The following CFAP210 variants were observed in gnomAD, a reference collection of about 807,000 sequenced individuals.
CFAP210 encodes the protein cilia- and flagella- associated protein 210.
chr2:169,664,703 A>C, the CFAP210 span, among the ~76,000 whole-genome samples: 15 of 152,342 alleles, frequency 9.8e-5, no homozygotes, highest in Middle Eastern at 3.4e-3. Context: ...CAACCAGCAC[A>C]AAACTCTTTC....
the CFAP210 span, chr2:169,674,996 T>C: frequency 1.3e-6 from 2 of 1,539,330 alleles, no homozygotes; most frequent in Non-Finnish European, 1.7e-6. Context: ...CCTCTATTTC[T>C]TCATCACGCT....
chr2:169,693,143 T>A, the CFAP210 span, among the ~76,000 whole-genome samples: 1 of 152,232 alleles, frequency 6.6e-6, no homozygotes, highest in African/African-American at 2.4e-5. Flanking sequence ...TCCCACTAAA[T>A]CTTTATAAAT....
chr2:169,663,591 A>G, the CFAP210 span, among the ~76,000 whole-genome samples: 38 of 152,198 alleles, frequency 2.5e-4, no homozygotes, highest in Non-Finnish European at 3.5e-4. Flanking sequence ...CCCTTCCCCT[A>G]TGCCATGGAG....
the CFAP210 span, chr2:169,645,677 A>C: frequency 2.4e-5 from 14 of 571,770 alleles, no homozygotes. Flanking sequence ...AGGAATCTCA[A>C]AATTGGGGTT....
At chr2:169,656,621 T>A in the CFAP210 span, among the ~76,000 whole-genome samples, 4 of 152,252 alleles carry the variant, frequency 2.6e-5, no homozygotes, top group African/African-American at 9.6e-5. Flanking sequence ...CCAGCAGCTA[T>A]TCAGGGCCAT....
the CFAP210 span, among the ~76,000 whole-genome samples, chr2:169,660,586 T>A: frequency 1.6e-4 from 17 of 104,334 alleles, no homozygotes; most frequent in South Asian, 3.4e-4. Flanking sequence ...AGGTTGCTTA[T>A]TTTATATATA....
At chr2:169,645,842 T>C in the CFAP210 span, 1 of 1,589,268 alleles carries the variant, frequency 6.3e-7, no homozygotes, top group East Asian at 2.2e-5. Flanking sequence ...AATTTTTTTC[T>C]ACCATGTAAA....
At chr2:169,671,347 C>T in the CFAP210 span, among the ~76,000 whole-genome samples, 2 of 152,202 alleles carry the variant, frequency 1.3e-5, no homozygotes, top group African/African-American at 4.8e-5. Context: ...TCTGCAAAGC[C>T]TTCTCTAGAC....
At chr2:169,662,427 T>C in the CFAP210 span, 1 of 1,581,112 alleles carries the variant, frequency 6.3e-7, no homozygotes, top group Non-Finnish European at 8.5e-7. Flanking sequence ...CTTCCTCATG[T>C]TCCTTTATTC....
the CFAP210 span, among the ~76,000 whole-genome samples, chr2:169,667,079 T>A: frequency 6.6e-6 from 1 of 152,124 alleles, no homozygotes; most frequent in Admixed American, 6.6e-5. Flanking sequence ...AATCAACTTC[T>A]TCCAAACTCT....
chr2:169,670,123 T>C, the CFAP210 span, among the ~76,000 whole-genome samples: 1 of 152,232 alleles, frequency 6.6e-6, no homozygotes, highest in Non-Finnish European at 1.5e-5. Context: ...AGTTTTTTCT[T>C]AAGCAAAGTC....
At chr2:169,654,161 C>T in the CFAP210 span, 2 of 1,598,288 alleles carry the variant, frequency 1.3e-6, no homozygotes, top group Non-Finnish European at 8.5e-7. Flanking sequence ...CATCTTCTTC[C>T]TCTTGCTGCT....
the CFAP210 span, among the ~76,000 whole-genome samples, chr2:169,675,704 C>G: frequency 6.6e-6 from 1 of 152,206 alleles, no homozygotes; most frequent in African/African-American, 2.4e-5. Flanking sequence ...CAAACTATAT[C>G]ACCTTCCAAC....
At chr2:169,656,413 A>AGGAGGAGGATGAATTAG in the CFAP210 span, among the ~76,000 whole-genome samples, 1 of 91,310 alleles carries the variant, frequency 1.1e-5, no homozygotes, top group African/African-American at 4.1e-5. Flanking sequence ...TGAAGTAGAG[A>AGGAGGAGGATGAATTAG]AGGAGGAGGA....
chr2:169,645,623 T>A, the CFAP210 span: 1 of 499,596 alleles, frequency 2.0e-6, no homozygotes. Context: ...CCACTGAATG[T>A]ACATTTAAAA....
the CFAP210 span, among the ~76,000 whole-genome samples, chr2:169,692,461 C>T: frequency 6.6e-6 from 1 of 150,848 alleles, no homozygotes; most frequent in Non-Finnish European, 1.5e-5. Flanking sequence ...CACACACACA[C>T]ACACACACAC....
chr2:169,676,529 C>G, the CFAP210 span, among the ~76,000 whole-genome samples: 1 of 147,828 alleles, frequency 6.8e-6, no homozygotes, highest in Non-Finnish European at 1.5e-5. Context: ...CAAAAAATCC[C>G]ATCATGTCTT....
the CFAP210 span, among the ~76,000 whole-genome samples, chr2:169,678,322 C>T: frequency 9.1e-5 from 8 of 87,778 alleles, 1 homozygote; most frequent in Non-Finnish European, 4.2e-5. Flanking sequence ...GCCTGGGCAA[C>T]AAGAGCGAAA....
At chr2:169,682,868 T>C in the CFAP210 span, among the ~76,000 whole-genome samples, 1 of 152,158 alleles carries the variant, frequency 6.6e-6, no homozygotes, top group African/African-American at 2.4e-5. Flanking sequence ...TTTCCTTAAT[T>C]GCAAAATGGG....
Sources: allele counts gnomAD v4.1 joint callset (sites outside exome capture counted in the v4.1 genomes callset), GRCh38; gene constraint gnomAD v4.1.1; transcripts MANE v1.5; gene names NCBI Gene and HGNC (gene_info 2026-07-23, HGNC 2026-07-21).